RSPH10B: variants seen among roughly 807,000 people sequenced by gnomAD.
The protein encoded by RSPH10B is radial spoke head 10 homolog B.
Under a neutral mutation model 52.5 loss-of-function variants are expected in RSPH10B, and 7 were observed. The ratio of observed to expected loss-of-function variants is 0.13; its 90% CI spans 0.08 to 0.25. The LOEUF (loss-of-function observed/expected upper bound fraction) is 0.25. RSPH10B is among the 10% of genes least tolerant of loss of function. The probability of loss-of-function intolerance (pLI) is 1.00; values close to 1 mark genes in which losing one functional copy is unlikely to be tolerated. For synonymous variants in RSPH10B, 28 were observed against 193.2 expected (o/e 0.14, Z 7.09); for missense variants, 89 against 542.5 (o/e 0.16, Z 8.30).
rs1254641378 is a variant in RSPH10B at position 5,941,096 on chromosome 7, G to T, written c.1758+2228C>A. Among the ~76,000 whole-genome samples the T allele has an allele frequency of 1.2e-3, 82 of 66,790 alleles. 6 individuals are homozygous for T. The highest frequency in any genetic ancestry group is 3.8e-3 in the African/African-American group (78 of 20,668). The allele number at this position is 66,790 out of a possible 152,430, so 43.8% of individuals were successfully genotyped here. A position where few individuals can be genotyped will look rare whatever the true frequency, so the allele number is the denominator to read the frequency against. On this transcript the variant is annotated intron_variant, in intron 13 of 18. Transcript: ENST00000337579. ...GCACAAGGACTGCTTGAGCCCAGGA[G>T]TTCAAGATCAGCCTGGGCAACATGG... is the stretch of plus-strand genomic sequence containing the variant.
intron 18 of RSPH10B, among the ~76,000 whole-genome samples, chr7:5,926,999 C>T (rs1779464883): frequency 1.3e-5 from 2 of 150,716 alleles, no homozygotes; most frequent in Admixed American, 1.3e-4. Flanking sequence ...AGGTGATCCA[C>T]CCACCTCGGC....
chr7:5,941,347 C>T (rs1780175421), intron 13 of RSPH10B, among the ~76,000 whole-genome samples: 1 of 141,252 alleles, frequency 7.1e-6, no homozygotes, highest in Non-Finnish European at 1.6e-5. Flanking sequence ...AGGTTATTAT[C>T]CATTTTTCAT....
chr7:5,931,753 T>A (rs1194535521), intron 17 of RSPH10B, among the ~76,000 whole-genome samples: 104 of 149,070 alleles, frequency 7.0e-4, no homozygotes, highest in African/African-American at 2.3e-3. Context: ...GTAATCTCAG[T>A]ACTTTAGGAG....
chr7:5,950,325 C>A (rs1213810235), intron 9 of RSPH10B, among the ~76,000 whole-genome samples: 1 of 151,944 alleles, frequency 6.6e-6, no homozygotes, highest in Non-Finnish European at 1.5e-5. Flanking sequence ...AATCCCAGCA[C>A]TTTGGGAGGC....
chr7:5,931,381 C>T (rs1470222865), intron 17 of RSPH10B, among the ~76,000 whole-genome samples: 1 of 151,434 alleles, frequency 6.6e-6, no homozygotes, highest in African/African-American at 2.4e-5. Flanking sequence ...GGGATGGAAC[C>T]TTTAAAAGTC....
In RSPH10B at chr7:5,927,090, GTGTGTGTA is replaced by G. The variant is rs1779525402; in HGVS notation, c.2433-550_2433-543del. ...TGTATATGTGTGTGTGTGTGTGTGT[GTGTGTGTA>G]TTTTTTTTTTTGAGATAGGGTCTTA... On this transcript the variant is annotated intron_variant, in intron 18 of 18. Transcript: ENST00000337579. Among the ~76,000 whole-genome samples the G allele has an allele frequency of 1.6e-4, 12 of 74,474 alleles. 1 individual carries two copies. The South Asian group carries it at 5.5e-3, about 34-fold the overall frequency. The allele number at this position is 74,474 out of a possible 152,430, so 48.9% of individuals were successfully genotyped here.
At chr7:5,941,499 C>T (rs1397203906) in intron 13 of RSPH10B, among the ~76,000 whole-genome samples, 1 of 148,836 alleles carries the variant, frequency 6.7e-6, no homozygotes, top group Non-Finnish European at 1.5e-5. Context: ...AATCCCAGCA[C>T]TTTGGGAGTC....
intron 18 of RSPH10B, among the ~76,000 whole-genome samples, chr7:5,927,128 G>A (rs1157070011): frequency 7.0e-6 from 1 of 143,066 alleles, no homozygotes; most frequent in Non-Finnish European, 1.5e-5. Flanking sequence ...GTCTTACTGT[G>A]TTGCCCAGGC....
intron 13 of RSPH10B, among the ~76,000 whole-genome samples, chr7:5,941,316 A>G (rs867947665): frequency 7.8e-5 from 11 of 141,018 alleles, no homozygotes; most frequent in East Asian, 6.1e-4. Flanking sequence ...AAACAAAACT[A>G]TTTTCCTATA....
rs1318346000 is a variant in RSPH10B, at chr7:5,927,080, G to GTATATATA, written c.2433-533_2433-532insTATATATA. ...TGTGTGTGTGTGTATATGTGTGTGT[G>GTATATATA]TGTGTGTGTGTGTGTGTATTTTTTT... On this transcript the variant is annotated intron_variant, in intron 18 of 18. Transcript: ENST00000337579. Among the ~76,000 whole-genome samples, 40 of 132,146 alleles carry GTATATATA rather than the reference G, an allele frequency of 3.0e-4. No homozygotes were observed. The South Asian group carries it at 4.1e-3, about 14-fold the overall frequency. The allele number at this position is 132,146 out of a possible 152,430, so 86.7% of individuals were successfully genotyped here.
rs1347951159 is a variant in RSPH10B at position 5,927,048 on chromosome 7, T to TGTGTG, written c.2433-501_2433-500insCACAC. On this transcript the variant is annotated intron_variant, in intron 18 of 18. Transcript: ENST00000337579. ...GTGTGTGTGTGTGTGTGTGTGTGTATTATGTGTGTGTGTGTGTGTATATGT... is the reference window on the plus strand; with the variant it reads ...GTGTGTGTGTGTGTGTGTGTGTGTATGTGTGTATGTGTGTGTGTGTGTGTATATGT... Among the ~76,000 whole-genome samples the TGTGTG allele has an allele frequency of 2.1e-3, 149 of 70,726 alleles. 1 individual carries two copies. The East Asian group carries it at 0.022, about 10-fold the overall frequency. The allele number at this position is 70,726 out of a possible 152,430, so 46.4% of individuals were successfully genotyped here.
intron 12 of RSPH10B, among the ~76,000 whole-genome samples, 162 bp from the exon 15 acceptor site, chr7:5,943,634 C>CG (rs1163958317): frequency 6.7e-6 from 1 of 148,642 alleles, no homozygotes; most frequent in East Asian, 2.0e-4. Flanking sequence ...ACCTCCGCCC[C>CG]CCAGGCTCAA....
chr7:5,968,652 G>T (rs1180622), upstream of RSPH10B, among the ~76,000 whole-genome samples: 2 of 54,964 alleles, frequency 3.6e-5, no homozygotes, highest in South Asian at 7.3e-4. Context: ...GACTACAGGC[G>T]CCCACCACCA....
intron 18 of RSPH10B, among the ~76,000 whole-genome samples, chr7:5,927,070 A>ATG (rs748036363): frequency 0.071 from 7,814 of 110,324 alleles, 214 homozygotes; most frequent in East Asian, 0.14. Flanking sequence ...GTGTGTGTAT[A>ATG]TGTGTGTGTG....
chr7:5,931,641 G>C (rs1562558643), intron 17 of RSPH10B, among the ~76,000 whole-genome samples: 1 of 150,090 alleles, frequency 6.7e-6, no homozygotes, highest in Non-Finnish European at 1.5e-5. Flanking sequence ...AGATCCAGGA[G>C]TTCTTGGATC....
chr7:5,961,202 C>T (rs1780926088), intron 3 of RSPH10B, among the ~76,000 whole-genome samples: 1 of 128,512 alleles, frequency 7.8e-6, no homozygotes, highest in African/African-American at 2.9e-5. Flanking sequence ...TTAGAACCCA[C>T]CTTGGCAAGG....
intron 13 of RSPH10B, among the ~76,000 whole-genome samples, chr7:5,940,643 A>T (rs200805197): frequency 0.34 from 3,790 of 11,128 alleles, 397 homozygotes; most frequent in East Asian, 0.69. Context: ...GACAGTCATC[A>T]CAAAAATGCT....
At chr7:5,931,331 G>T (rs1370765909) in intron 17 of RSPH10B, among the ~76,000 whole-genome samples, 2 of 151,382 alleles carry the variant, frequency 1.3e-5, no homozygotes, top group East Asian at 3.9e-4. Context: ...GCACTGTAGA[G>T]GGGGATACAC....
chr7:5,939,032 T>C (rs1780067303), intron 13 of RSPH10B, among the ~76,000 whole-genome samples: 2 of 76,594 alleles, frequency 2.6e-5, no homozygotes, highest in Non-Finnish European at 5.6e-5. Flanking sequence ...ACCTCCTGGG[T>C]TCAAGTGATT....
Sources: allele counts gnomAD v4.1 joint callset (sites outside exome capture counted in the v4.1 genomes callset), GRCh38; gene constraint gnomAD v4.1.1; transcripts MANE v1.5; gene names NCBI Gene and HGNC (gene_info 2026-07-23, HGNC 2026-07-21).